The following TSHZ2 variants were observed in gnomAD, a reference collection of about 807,000 sequenced individuals.
The protein encoded by TSHZ2 is teashirt homolog 2.
A neutral mutation model predicts 74.4 loss-of-function variants in TSHZ2; 21 were observed. That is an observed-to-expected ratio of 0.28 (90% CI 0.20 to 0.41). The LOEUF (loss-of-function observed/expected upper bound fraction) is 0.41. TSHZ2 is among the 10% of genes least tolerant of loss of function. The probability of loss-of-function intolerance (pLI) is 1.00; values close to 1 mark genes in which losing one functional copy is unlikely to be tolerated. For synonymous variants in TSHZ2, 540 were observed against 515.3 expected (o/e 1.05, Z -0.65); for missense variants, 1,244 against 1,293.5 (o/e 0.96, Z 0.59).
Position 53,292,453 on chromosome 20 carries a change from T to A in TSHZ2, c.*8+35882T>A, listed in dbSNP as rs1482435056. ...AAATGCACACAAACCACCTATTTTT[T>A]TTTTTTTTTTTTGAGACAGGGTCTT... On this transcript the variant is annotated intron_variant, in intron 2 of 2. Coordinates refer to ENST00000371497, the MANE Select transcript of TSHZ2 (RefSeq NM_173485.6). Among the ~76,000 whole-genome samples, 453 of 150,394 alleles carry A rather than the reference T, an allele frequency of 3.0e-3. 3 individuals are homozygous for A. Among genetic ancestry groups the A allele is most frequent in the South Asian group, 0.03 (141 of 4,734 alleles).
intron 1 of TSHZ2, among the ~76,000 whole-genome samples, chr20:53,134,969 AAC>A (rs34194089): frequency 0.089 from 12,651 of 142,646 alleles, 565 homozygotes; most frequent in African/African-American, 0.11. Flanking sequence ...CTGACAAAGA[AAC>A]ACACACACAC....
chr20:53,479,729 G>C (rs6097442), intron 2 of TSHZ2, among the ~76,000 whole-genome samples: 30,430 of 152,066 alleles, frequency 0.2, 3,215 homozygotes, highest in East Asian at 0.3. Flanking sequence ...TGTCCTCCAC[G>C]CCCAATGGGC....
intron 2 of TSHZ2, among the ~76,000 whole-genome samples, chr20:53,463,423 GA>G (rs1357627958): frequency 8.2e-6 from 1 of 121,902 alleles, no homozygotes; most frequent in Non-Finnish European, 1.7e-5. Flanking sequence ...AGGAAGGAAG[GA>G]AGGAAGGAAG....
intron 1 of TSHZ2, among the ~76,000 whole-genome samples, chr20:52,989,669 A>G (rs1051983898): frequency 7.9e-5 from 12 of 152,170 alleles, no homozygotes; most frequent in Non-Finnish European, 1.5e-4. Flanking sequence ...TAAGAATTCA[A>G]CAAATTTTAG....
At chr20:53,173,589 C>G (rs1988254583) in intron 1 of TSHZ2, among the ~76,000 whole-genome samples, 1 of 152,104 alleles carries the variant, frequency 6.6e-6, no homozygotes, top group South Asian at 2.1e-4. Context: ...GCCTGGGCAA[C>G]AGGGTGAGAC....
At chr20:53,132,416 T>G (rs1987129872) in intron 1 of TSHZ2, among the ~76,000 whole-genome samples, 1 of 151,344 alleles carries the variant, frequency 6.6e-6, no homozygotes, top group Admixed American at 6.6e-5. Context: ...GTTCAAGCAA[T>G]TCTCCTGCCT....
chr20:53,483,911 T>C (rs1444315121), intron 2 of TSHZ2, among the ~76,000 whole-genome samples: 6 of 152,186 alleles, frequency 3.9e-5, no homozygotes, highest in Non-Finnish European at 8.8e-5. Flanking sequence ...AAAACAAAGT[T>C]CCATGAAATT....
Position 53,193,428 on chromosome 20 carries a change from G to A in TSHZ2, c.41-60071G>A, listed in dbSNP as rs114833313. Among the ~76,000 whole-genome samples, 1,114 of 152,148 alleles carry A rather than the reference G, an allele frequency of 7.3e-3. 20 individuals carry two copies. The highest frequency in any genetic ancestry group is 0.025 in the African/African-American group (1,053 of 41,500). On this transcript the variant is annotated intron_variant, in intron 1 of 2. Transcript: ENST00000371497. ...AGGCAGTGGCTGCTGTCATCAACTC[G>A]TTATGCACTGCCTTTGCCCCCCAAC...
intron 2 of TSHZ2, among the ~76,000 whole-genome samples, chr20:53,276,093 G>A (rs1267535931): frequency 6.6e-6 from 1 of 152,168 alleles, no homozygotes; most frequent in Admixed American, 6.5e-5. Flanking sequence ...GGAATCCTTG[G>A]TTCAAAGGAT....
intron 1 of TSHZ2, among the ~76,000 whole-genome samples, chr20:53,142,550 TAGAGAAAA>T (rs1987429221): frequency 6.6e-6 from 1 of 152,332 alleles, no homozygotes; most frequent in South Asian, 2.1e-4. Flanking sequence ...GGATGTTCTC[TAGAGAAAA>T]AGTGGGGCTA....
At chr20:53,468,114 A>T (rs953330706) in intron 2 of TSHZ2, among the ~76,000 whole-genome samples, 4 of 152,216 alleles carry the variant, frequency 2.6e-5, no homozygotes, top group African/African-American at 9.6e-5. Flanking sequence ...AAAGCATCAT[A>T]CTGAGAAGAG....
chr20:52,997,245 T>G (rs1982234126), intron 1 of TSHZ2, among the ~76,000 whole-genome samples: 1 of 133,336 alleles, frequency 7.5e-6, no homozygotes, highest in African/African-American at 2.9e-5. Flanking sequence ...CTGGTTCCTG[T>G]GCTCATCTTG....
chr20:53,269,797 TAAAAA>T (rs55746415), intron 2 of TSHZ2, among the ~76,000 whole-genome samples: 1 of 144,386 alleles, frequency 6.9e-6, no homozygotes, highest in Non-Finnish European at 1.5e-5. Flanking sequence ...TAGAGTATAA[TAAAAA>T]AAAAAGAAAA....
chr20:53,384,481 T>C lies in TSHZ2; in HGVS notation c.*9-102663T>C, dbSNP rs1435917186. Among the ~76,000 whole-genome samples the C allele has an allele frequency of 2.6e-5, 4 of 152,356 alleles. No homozygotes were observed. The East Asian group carries it at 7.7e-4, about 29-fold the overall frequency. ...ATATAGTCTGTATCTTCTTTGTTTA[T>C]GGCTTCACCTTGACGAGCTGTGTCT... On this transcript the variant is annotated intron_variant, in intron 2 of 2. Transcript: ENST00000371497.
At chr20:53,087,181 G>A (rs532826164) in intron 1 of TSHZ2, among the ~76,000 whole-genome samples, 34 of 152,300 alleles carry the variant, frequency 2.2e-4, no homozygotes, top group Middle Eastern at 3.4e-3. Flanking sequence ...GAGAAGAATT[G>A]AGGTCAACCA....
At position 53,470,738 on chromosome 20, in the gene TSHZ2, G is replaced by A. The variant is rs368293064; in HGVS notation, c.*9-16406G>A. 8.5e-5 allele frequency among the ~76,000 whole-genome samples: 13 copies of A among 152,092 alleles called. No individual in the cohort carries two copies. In the East Asian group the frequency reaches 2.1e-3, roughly 25 times the overall value. ...CTAAGACAGAGAATCGCTTGAACCCGGGAGGCAGAGGTTGCAGTGAGCGGA... is the reference window on the plus strand; with the variant it reads ...CTAAGACAGAGAATCGCTTGAACCCAGGAGGCAGAGGTTGCAGTGAGCGGA... On this transcript the variant is annotated intron_variant, in intron 2 of 2. Transcript: ENST00000371497.
intron 2 of TSHZ2, among the ~76,000 whole-genome samples, chr20:53,429,245 T>A (rs1258193771): frequency 6.6e-6 from 1 of 152,054 alleles, no homozygotes; most frequent in Non-Finnish European, 1.5e-5. Context: ...GTGTCAATAG[T>A]GCCAAAACAA....
intron 1 of TSHZ2, among the ~76,000 whole-genome samples, chr20:53,250,341 C>T (rs564532827): frequency 2.0e-5 from 3 of 152,310 alleles, no homozygotes; most frequent in African/African-American, 7.2e-5. Flanking sequence ...AACAAGTCAT[C>T]AATACAGAGA....
chr20:53,088,864 G>A (rs1985780898), intron 1 of TSHZ2, among the ~76,000 whole-genome samples: 1 of 152,138 alleles, frequency 6.6e-6, no homozygotes, highest in Non-Finnish European at 1.5e-5. Context: ...CTAGGAGGCT[G>A]CAGCTCTGTT....
Sources: allele counts gnomAD v4.1 joint callset (sites outside exome capture counted in the v4.1 genomes callset), GRCh38; gene constraint gnomAD v4.1.1; transcripts MANE v1.5; gene names NCBI Gene and HGNC (gene_info 2026-07-23, HGNC 2026-07-21).